Variants in LPIN2 observed in about 807,000 individuals in gnomAD.
LPIN2 encodes the protein phosphatidate phosphatase LPIN2.
A neutral mutation model predicts 111.4 loss-of-function variants in LPIN2; 55 were observed. The observed-to-expected ratio is 0.49, with a 90% CI of 0.40 to 0.62. The LOEUF (loss-of-function observed/expected upper bound fraction) is 0.62. Ranked by LOEUF, LPIN2 falls within the 20% of genes least tolerant of loss-of-function variation. LPIN2 has a pLI of 0.00. For synonymous variants in LPIN2, 425 were observed against 414.0 expected (o/e 1.03, Z -0.32); for missense variants, 992 against 1,112.1 (o/e 0.89, Z 1.54).
At chr18:2,930,651 T>TA (rs996573780) in intron 9 of LPIN2, among the ~76,000 whole-genome samples, 1 of 151,274 alleles carries the variant, frequency 6.6e-6, no homozygotes, top group East Asian at 1.9e-4. Context: ...AAAGGAAGGT[T>TA]AAAAAAAAAT....
intron 1 of LPIN2, among the ~76,000 whole-genome samples, chr18:2,967,887 A>T (rs1262907310): frequency 1.3e-5 from 2 of 152,224 alleles, no homozygotes; most frequent in Non-Finnish European, 2.9e-5. Context: ...TTTATAAAAC[A>T]AGAAATAGAA....
At chr18:2,990,802 C>T (rs661338) in intron 1 of LPIN2, 365,264 of 385,566 alleles carry the variant, frequency 0.95, 174,282 homozygotes, top group East Asian at 1. Flanking sequence ...AAGGGTTGCA[C>T]TTCAACAAGG....
At chr18:2,955,638 G>A (rs1048491256) in intron 2 of LPIN2, among the ~76,000 whole-genome samples, 12 of 152,110 alleles carry the variant, frequency 7.9e-5, no homozygotes, top group African/African-American at 9.7e-5. Context: ...TGTATGGGCC[G>A]GGTGCAGTGG....
chr18:2,967,186 A>C (rs2064279809), intron 1 of LPIN2: 1 of 152,188 alleles, frequency 6.6e-6, no homozygotes, highest in African/African-American at 2.4e-5. Flanking sequence ...GGTGTCTACT[A>C]TTCACTAGAA....
chr18:3,008,820 T>C (rs1221518576), intron 1 of LPIN2, among the ~76,000 whole-genome samples: 1 of 151,750 alleles, frequency 6.6e-6, no homozygotes, highest in Non-Finnish European at 1.5e-5. Context: ...GAAGCCATCC[T>C]CTGACCTTAG....
chr18:2,922,794 G>C (rs1008996024), intron 16 of LPIN2, among the ~76,000 whole-genome samples: 1 of 152,154 alleles, frequency 6.6e-6, no homozygotes, highest in South Asian at 2.1e-4. Flanking sequence ...CAGATTAGAG[G>C]ACAGAAAAAA....
intron 1 of LPIN2, among the ~76,000 whole-genome samples, chr18:2,966,631 G>C (rs59403287): frequency 0.12 from 18,342 of 152,184 alleles, 1,265 homozygotes; most frequent in South Asian, 0.17. Flanking sequence ...ATTTCTTACT[G>C]CAAGTGGGCT....
At chr18:2,983,851 TG>T (rs924227046) in intron 1 of LPIN2, among the ~76,000 whole-genome samples, 2 of 152,214 alleles carry the variant, frequency 1.3e-5, no homozygotes, top group African/African-American at 4.8e-5. Flanking sequence ...ATTACACATG[TG>T]GCTCACATTA....
At chr18:2,983,867 T>C (rs2078148206) in intron 1 of LPIN2, among the ~76,000 whole-genome samples, 1 of 152,174 alleles carries the variant, frequency 6.6e-6, no homozygotes, top group Admixed American at 6.5e-5. Context: ...ACATTATATT[T>C]CTATTGGACA....
chr18:2,936,961 A>T (rs1346998480), intron 7 of LPIN2, among the ~76,000 whole-genome samples: 1 of 152,202 alleles, frequency 6.6e-6, no homozygotes, highest in Non-Finnish European at 1.5e-5. Context: ...TTTTTATCTG[A>T]TATTACTGCT....
At position 2,920,291 on chromosome 18, in the gene LPIN2, C is replaced by T. The variant is rs773257608; in HGVS notation, c.*2G>A. 6.2e-7 allele frequency: 1 copy of T among 1,614,110 alleles called. No individual in the cohort carries two copies. The highest frequency in any genetic ancestry group is 8.5e-7 in the Non-Finnish European group (1 of 1,180,030). ...GCCCTGCCCACCCACTGAGGTGCCGCCTCAAGACAGGTCATCCAGGTCCAC... is the reference window on the plus strand; with the variant it reads ...GCCCTGCCCACCCACTGAGGTGCCGTCTCAAGACAGGTCATCCAGGTCCAC... On this transcript the variant is annotated 3_prime_UTR_variant, in exon 20 of 20. Coordinates refer to ENST00000677752, the MANE Select transcript of LPIN2 (RefSeq NM_001375808.2).
Position 2,965,146 on chromosome 18 carries a change from G to GA in LPIN2, c.-9-4298dup, listed in dbSNP as rs201489023. ...TTGATTACTCAAATAAAAAAGTGAA[G>GA]AAAAAAAAAAGCAGTAGAAAATAAG... On this transcript the variant is annotated intron_variant, in intron 1 of 19. Coordinates refer to ENST00000677752, the MANE Select transcript of LPIN2 (RefSeq NM_001375808.2). Among the ~76,000 whole-genome samples, 14 of 145,286 alleles carry GA rather than the reference G, an allele frequency of 9.6e-5. No individual in the cohort carries two copies. The East Asian group carries it at 1.0e-3, about 10-fold the overall frequency.
In LPIN2 at chr18:2,917,427, T is replaced by G. The variant is rs17880885; in HGVS notation, c.*2866A>C. The G allele has an allele frequency of 1.2e-4, 18 of 152,178 alleles. No homozygotes were observed. The highest frequency in any genetic ancestry group is 8.5e-4 in the Admixed American group (13 of 15,278). The allele number at this position is 152,178 out of a possible 1,614,324, so 9.4% of individuals were successfully genotyped here. A position where few individuals can be genotyped will look rare whatever the true frequency, so the allele number is the denominator to read the frequency against. ...AAGAGCTGACTTCCTTGTTTATTCT[T>G]TAAAGGGTTGGCCTGCACCTGCAGT... On this transcript the variant is annotated 3_prime_UTR_variant, in exon 20 of 20. Transcript: ENST00000677752.
Position 2,919,849 on chromosome 18 carries a change from G to A in LPIN2, c.*444C>T, listed in dbSNP as rs559816553. On this transcript the variant is annotated 3_prime_UTR_variant, in exon 20 of 20. Transcript: ENST00000677752. ...GCAGCTTCAGCCAGCATCACTGACT[G>A]GGCCCGCAGCAGTTCAGGGACCCTG... The A allele has an allele frequency of 4.7e-4, 106 of 225,896 alleles. No individual in the cohort carries two copies. The highest frequency in any genetic ancestry group is 2.3e-3 in the African/African-American group (103 of 44,056). The allele number at this position is 225,896 out of a possible 1,614,324, so 14.0% of individuals were successfully genotyped here. A position where few individuals can be genotyped will look rare whatever the true frequency, so the allele number is the denominator to read the frequency against.
At chr18:2,987,724 T>G (rs375619551) in intron 1 of LPIN2, among the ~76,000 whole-genome samples, 2 of 152,272 alleles carry the variant, frequency 1.3e-5, no homozygotes, top group East Asian at 3.9e-4. Flanking sequence ...TAAATTACTC[T>G]TAGTAATTAC....
chr18:2,980,994 CTT>C (rs771445639), intron 1 of LPIN2, among the ~76,000 whole-genome samples: 4 of 152,162 alleles, frequency 2.6e-5, no homozygotes, highest in Non-Finnish European at 4.4e-5. Flanking sequence ...AAGGTATTGT[CTT>C]CACTTGTTTC....
intron 1 of LPIN2, among the ~76,000 whole-genome samples, chr18:2,994,575 G>C (rs1342498817): frequency 6.6e-6 from 1 of 152,156 alleles, no homozygotes; most frequent in African/African-American, 2.4e-5. Flanking sequence ...AGGGTAAATG[G>C]GATATCCATC....
At chr18:2,958,173 A>AC (rs2077651191) in intron 2 of LPIN2, among the ~76,000 whole-genome samples, 1 of 126,256 alleles carries the variant, frequency 7.9e-6, no homozygotes, top group Non-Finnish European at 1.7e-5. Flanking sequence ...AAAAAAAAAA[A>AC]CAGAAAAAAG....
chr18:2,998,544 ACAT>A (rs1467438926), intron 1 of LPIN2, among the ~76,000 whole-genome samples: 1 of 152,170 alleles, frequency 6.6e-6, no homozygotes, highest in Admixed American at 6.5e-5. Flanking sequence ...AACAACAACA[ACAT>A]ATGTTAGGCT....
Sources: gnomAD v4.1 joint callset for allele counts (sites outside exome capture counted in the v4.1 genomes callset) on GRCh38, gnomAD v4.1.1 for gene constraint, MANE v1.5 for transcripts, NCBI Gene and HGNC (gene_info 2026-07-23, HGNC 2026-07-21) for gene names.